SUGCT: variants seen among roughly 807,000 people sequenced by gnomAD.
SUGCT encodes the protein succinyl-CoA:glutarate CoA-transferase.
A neutral mutation model predicts 55.0 loss-of-function variants in SUGCT; 41 were observed. That is an observed-to-expected ratio of 0.74 (90% CI 0.58 to 0.97). The LOEUF (loss-of-function observed/expected upper bound fraction) is 0.97. Ranked by LOEUF, SUGCT falls within the 50% of genes least tolerant of loss-of-function variation. The pLI is 0.00. For synonymous variants in SUGCT, 187 were observed against 200.4 expected (o/e 0.93, Z 0.56); for missense variants, 568 against 547.8 (o/e 1.04, Z -0.37).
At chr7:40,734,615 A>G (rs956289157) in intron 12 of SUGCT, among the ~76,000 whole-genome samples, 2 of 152,174 alleles carry the variant, frequency 1.3e-5, no homozygotes, top group Non-Finnish European at 2.9e-5. Context: ...AGTCACACAG[A>G]AAACTCTGCC....
At chr7:40,660,952 A>G (rs1005554412) in intron 12 of SUGCT, among the ~76,000 whole-genome samples, 3 of 152,040 alleles carry the variant, frequency 2.0e-5, no homozygotes, top group African/African-American at 7.2e-5. Context: ...ATGACTGGGA[A>G]CCCCCTGAGG....
At chr7:40,744,687 G>A (rs1787641227) in intron 12 of SUGCT, among the ~76,000 whole-genome samples, 1 of 152,212 alleles carries the variant, frequency 6.6e-6, no homozygotes, top group African/African-American at 2.4e-5. Context: ...TCTGGTTAAT[G>A]AGAGGATTAA....
At chr7:40,285,960 A>G (rs558064732) in intron 8 of SUGCT, among the ~76,000 whole-genome samples, 2 of 152,260 alleles carry the variant, frequency 1.3e-5, no homozygotes, top group East Asian at 3.9e-4. Context: ...TTACTTTTCT[A>G]TTGTGATCCA....
chr7:40,810,561 C>T (rs1791357596), intron 13 of SUGCT, among the ~76,000 whole-genome samples: 1 of 152,034 alleles, frequency 6.6e-6, no homozygotes, highest in African/African-American at 2.4e-5. Flanking sequence ...ACTTGTATGT[C>T]TTCAACAGAT....
chr7:40,396,635 A>T (rs1456041875), intron 9 of SUGCT, among the ~76,000 whole-genome samples: 1 of 152,246 alleles, frequency 6.6e-6, no homozygotes, highest in Non-Finnish European at 1.5e-5. Context: ...ATCCCCCAGG[A>T]TGTGGAGAGA....
At chr7:40,518,149 C>A (rs1046142290) in intron 12 of SUGCT, among the ~76,000 whole-genome samples, 5 of 152,162 alleles carry the variant, frequency 3.3e-5, no homozygotes, top group Non-Finnish European at 7.4e-5. Context: ...AAGAAAAAAT[C>A]AACCGGGATA....
chr7:40,898,722 A>C, the SUGCT span, among the ~76,000 whole-genome samples: 1 of 151,922 alleles, frequency 6.6e-6, no homozygotes, highest in Non-Finnish European at 1.5e-5. Flanking sequence ...AACACTTACC[A>C]CGAGGGTACG....
At chr7:40,494,748 C>T (rs1791878808) in intron 11 of SUGCT, among the ~76,000 whole-genome samples, 1 of 152,092 alleles carries the variant, frequency 6.6e-6, no homozygotes, top group South Asian at 2.1e-4. Flanking sequence ...TTATTATATC[C>T]TTAAGTAAAA....
At chr7:40,392,177 T>C (rs1583583341) in intron 9 of SUGCT, among the ~76,000 whole-genome samples, 1 of 152,246 alleles carries the variant, frequency 6.6e-6, no homozygotes, top group East Asian at 1.9e-4. Context: ...GAGATATACC[T>C]AATGTAAATG....
chr7:40,430,083 A>G (rs1380771518), intron 9 of SUGCT, among the ~76,000 whole-genome samples: 1 of 152,164 alleles, frequency 6.6e-6, no homozygotes, highest in South Asian at 2.1e-4. Context: ...TGAACATTAG[A>G]TTATTTCCAT....
intron 12 of SUGCT, among the ~76,000 whole-genome samples, chr7:40,699,498 G>A (rs777581677): frequency 2.6e-5 from 4 of 152,212 alleles, no homozygotes; most frequent in East Asian, 3.8e-4. Flanking sequence ...GAGTCTCCCC[G>A]TGTCCTGCAG....
At chr7:40,160,378 G>A (rs377072950) in intron 1 of SUGCT, among the ~76,000 whole-genome samples, 5 of 152,038 alleles carry the variant, frequency 3.3e-5, no homozygotes, top group African/African-American at 4.8e-5. Context: ...ACAGGCATAC[G>A]CCACCATGCC....
chr7:40,260,472 C>T (rs1198355784), intron 7 of SUGCT, among the ~76,000 whole-genome samples: 3 of 152,096 alleles, frequency 2.0e-5, no homozygotes, highest in Admixed American at 6.5e-5. Flanking sequence ...GCACTTGATT[C>T]CTTCTAGAGT....
chr7:40,813,634 C>A (rs2128760017), intron 13 of SUGCT, among the ~76,000 whole-genome samples: 1 of 152,204 alleles, frequency 6.6e-6, no homozygotes, highest in East Asian at 1.9e-4. Flanking sequence ...TAAGATAGGT[C>A]TCTTGATGAC....
intron 9 of SUGCT, among the ~76,000 whole-genome samples, chr7:40,385,151 T>C (rs1180874495): frequency 6.6e-6 from 1 of 152,196 alleles, no homozygotes; most frequent in African/African-American, 2.4e-5. Context: ...GAATCCATCA[T>C]GGCCACTGGG....
chr7:40,291,940 G>A (rs1793806885), intron 8 of SUGCT, among the ~76,000 whole-genome samples: 1 of 152,146 alleles, frequency 6.6e-6, no homozygotes, highest in Non-Finnish European at 1.5e-5. Flanking sequence ...GCCTCCAGAA[G>A]GAACCAGCTT....
intron 12 of SUGCT, among the ~76,000 whole-genome samples, chr7:40,651,532 G>A (rs528228568): frequency 6.6e-6 from 1 of 151,930 alleles, no homozygotes; most frequent in South Asian, 2.1e-4. Context: ...CTTTTTAAAG[G>A]TTATCATCAT....
intron 12 of SUGCT, among the ~76,000 whole-genome samples, chr7:40,599,607 T>A (rs550535651): frequency 1.8e-4 from 28 of 152,338 alleles, no homozygotes; most frequent in Non-Finnish European, 4.0e-4. Flanking sequence ...TAATATTCTC[T>A]CTTACTCCTT....
At chr7:40,940,291 T>C in the SUGCT span, among the ~76,000 whole-genome samples, 1 of 152,184 alleles carries the variant, frequency 6.6e-6, no homozygotes, top group Non-Finnish European at 1.5e-5. Flanking sequence ...TTTTGTAGTA[T>C]AATTTGAAGT....
Sources: allele counts gnomAD v4.1 joint callset (sites outside exome capture counted in the v4.1 genomes callset), GRCh38; gene constraint gnomAD v4.1.1; transcripts MANE v1.5; gene names NCBI Gene and HGNC (gene_info 2026-07-23, HGNC 2026-07-21).